POU6F2: variants seen among roughly 807,000 people sequenced by gnomAD.
POU6F2 encodes the protein POU class 6 homeobox 2, also known as POU domain, class 6, transcription factor 2.
POU6F2 carries 31 observed loss-of-function variants against 71.3 expected under a neutral mutation model. The observed-to-expected ratio is 0.43, with a 90% CI of 0.33 to 0.59. The LOEUF (loss-of-function observed/expected upper bound fraction) is 0.59, where lower values mean the gene tolerates loss of function less well. Ranked by LOEUF, POU6F2 falls within the 20% of genes least tolerant of loss-of-function variation. The pLI is 0.04. For synonymous variants in POU6F2, 347 were observed against 355.7 expected, an observed-to-expected ratio of 0.98 and a Z score of 0.27; for missense variants, 783 against 856.8, an observed-to-expected ratio of 0.91 and a Z score of 1.07.
chr7:39,237,838 C>T (rs893875661), intron 4 of POU6F2, among the ~76,000 whole-genome samples: 7 of 152,014 alleles, frequency 4.6e-5, no homozygotes, highest in Non-Finnish European at 7.4e-5. Flanking sequence ...TTCTGAAATG[C>T]GGGATTGGGA....
chr7:39,092,492 T>C (rs1371448482), intron 2 of POU6F2, among the ~76,000 whole-genome samples: 2 of 152,242 alleles, frequency 1.3e-5, no homozygotes, highest in African/African-American at 4.8e-5. Context: ...TTTTATATGG[T>C]ATTTTGTAGT....
chr7:39,201,944 A>G (rs1172592361), intron 2 of POU6F2, among the ~76,000 whole-genome samples: 3 of 152,142 alleles, frequency 2.0e-5, no homozygotes, highest in African/African-American at 4.8e-5. Flanking sequence ...GAAAATGGGG[A>G]TGCACACTAA....
At chr7:39,321,146 CCT>C (rs1785382485) in intron 4 of POU6F2, among the ~76,000 whole-genome samples, 1 of 152,072 alleles carries the variant, frequency 6.6e-6, no homozygotes, top group Admixed American at 6.5e-5. Flanking sequence ...TCTCTCACTC[CCT>C]CTCTCAAAAT....
In POU6F2 at chr7:39,464,777, T is replaced by G; in HGVS notation, c.*91T>G. ...AACAACAACAACAACAAAATTTAATTTAATTTAAAAATAGCCCCAGTCGTC... is the reference window on the plus strand; with the variant it reads ...AACAACAACAACAACAAAATTTAATGTAATTTAAAAATAGCCCCAGTCGTC... On this transcript the variant is annotated 3_prime_UTR_variant, in exon 10 of 10. Coordinates refer to ENST00000518318, the MANE Select transcript of POU6F2 (RefSeq NM_001370959.1). The surrounding 1 kb of genome is among the most constrained non-coding windows in gnomAD (Gnocchi z 4.1). 7.2e-7 allele frequency: 1 copy of G among 1,391,426 alleles called. No individual in the cohort carries two copies. Among genetic ancestry groups the G allele is most frequent in the Non-Finnish European group, 9.5e-7 (1 of 1,052,700 alleles). The allele number at this position is 1,391,426 out of a possible 1,614,324, so 86.2% of individuals were successfully genotyped here.
chr7:39,418,812 A>AG (rs1222973051), intron 6 of POU6F2, among the ~76,000 whole-genome samples: 3 of 151,194 alleles, frequency 2.0e-5, no homozygotes, highest in Non-Finnish European at 4.4e-5. Context: ...TCTGAAGCAA[A>AG]GCTGCTTTCA....
At position 39,464,975 on chromosome 7, in the gene POU6F2, C is replaced by T. The variant is rs1380350696; in HGVS notation, c.*289C>T. ...ATAGTTCCCTTCCCCCACCTGTCTC[C>T]CCCAAAGCCAGTTTTTTAATGGACT... is the stretch of plus-strand genomic sequence containing the variant. On this transcript the variant is annotated 3_prime_UTR_variant, in exon 10 of 10. Coordinates refer to ENST00000518318, the MANE Select transcript of POU6F2 (RefSeq NM_001370959.1). This position sits in a 1 kb window ranked among gnomAD's most constrained non-coding sequence, Gnocchi z 4.1. The T allele has an allele frequency of 5.7e-6, 2 of 348,310 alleles. No homozygotes were observed. The highest frequency in any genetic ancestry group is 8.5e-5 in the Admixed American group (2 of 23,424). The allele number at this position is 348,310 out of a possible 1,614,324, so 21.6% of individuals were successfully genotyped here. A position where few individuals can be genotyped will look rare whatever the true frequency, so the allele number is the denominator to read the frequency against.
intron 2 of POU6F2, among the ~76,000 whole-genome samples, chr7:39,174,169 G>A (rs1192857688): frequency 6.6e-6 from 1 of 152,188 alleles, no homozygotes; most frequent in East Asian, 1.9e-4. Flanking sequence ...GGAAGACACC[G>A]GCTGGAATCC....
intron 5 of POU6F2, among the ~76,000 whole-genome samples, chr7:39,369,781 T>C (rs1786572803): frequency 6.6e-6 from 1 of 151,902 alleles, no homozygotes; most frequent in Non-Finnish European, 1.5e-5. Context: ...CCTCCCAGGC[T>C]CAAGTGATCC....
At chr7:39,009,090 T>C (rs1789181956) in intron 1 of POU6F2, among the ~76,000 whole-genome samples, 1 of 152,182 alleles carries the variant, frequency 6.6e-6, no homozygotes, top group African/African-American at 2.4e-5. Context: ...GGGGATGGCA[T>C]TGAATCTGTA....
intron 2 of POU6F2, among the ~76,000 whole-genome samples, chr7:39,179,218 C>T (rs1793387536): frequency 6.6e-6 from 1 of 152,184 alleles, no homozygotes; most frequent in African/African-American, 2.4e-5. Flanking sequence ...AGAGGATGCT[C>T]CTTCATTCTT....
chr7:39,015,519 TATATCTATGTTTTATATAGA>T (rs1789462520), intron 1 of POU6F2, among the ~76,000 whole-genome samples: 7 of 97,474 alleles, frequency 7.2e-5, no homozygotes, highest in Admixed American at 1.3e-4. Flanking sequence ...ATATATATAA[TATATCTATGTTTTATATAGA>T]TATATCTATG....
intron 1 of POU6F2, among the ~76,000 whole-genome samples, chr7:39,085,287 C>A (rs1356080868): frequency 1.3e-5 from 2 of 152,286 alleles, no homozygotes; most frequent in Non-Finnish European, 2.9e-5. Context: ...ATAGAATTTA[C>A]ATAAGAAATA....
At chr7:39,369,933 A>C (rs1439905749) in intron 5 of POU6F2, among the ~76,000 whole-genome samples, 2 of 151,860 alleles carry the variant, frequency 1.3e-5, no homozygotes, top group Non-Finnish European at 2.9e-5. Context: ...GGCTCAAGCA[A>C]TACTCCTGTC....
chr7:39,401,567 T>A (rs149502707), intron 5 of POU6F2, among the ~76,000 whole-genome samples: 1 of 152,202 alleles, frequency 6.6e-6, no homozygotes, highest in Non-Finnish European at 1.5e-5. Flanking sequence ...AGTACTGATT[T>A]GGTTAGAAGA....
At chr7:39,335,262 C>G (rs1383515548) in intron 4 of POU6F2, among the ~76,000 whole-genome samples, 1 of 152,188 alleles carries the variant, frequency 6.6e-6, no homozygotes, top group African/African-American at 2.4e-5. Flanking sequence ...CTTATAATAA[C>G]TCGTGGCTCA....
At chr7:39,242,972 G>A (rs1783753941) in intron 4 of POU6F2, among the ~76,000 whole-genome samples, 1 of 152,068 alleles carries the variant, frequency 6.6e-6, no homozygotes, top group South Asian at 2.1e-4. Context: ...TGGAGGATTG[G>A]AACTCTGTAA....
intron 1 of POU6F2, among the ~76,000 whole-genome samples, chr7:38,987,470 C>T (rs774069385): frequency 6.6e-6 from 1 of 152,060 alleles, no homozygotes; most frequent in African/African-American, 2.4e-5. Context: ...GTTAGTGTAT[C>T]TAGATTAGTG....
intron 1 of POU6F2, among the ~76,000 whole-genome samples, chr7:39,001,737 G>A (rs1261443540): frequency 1.3e-5 from 2 of 152,008 alleles, no homozygotes; most frequent in Non-Finnish European, 2.9e-5. Context: ...GATGGTAATG[G>A]TGATGGTGAT....
At chr7:39,176,190 G>A (rs1793325699) in intron 2 of POU6F2, among the ~76,000 whole-genome samples, 1 of 152,122 alleles carries the variant, frequency 6.6e-6, no homozygotes, top group African/African-American at 2.4e-5. Context: ...CACCTGCTGT[G>A]AATTTGTTCT....
Sources: gnomAD v4.1 joint callset for allele counts (sites outside exome capture counted in the v4.1 genomes callset) on GRCh38, gnomAD v4.1.1 for gene constraint, Gnocchi (gnomAD v3.1) non-coding constraint, MANE v1.5 for transcripts, NCBI Gene and HGNC (gene_info 2026-07-23, HGNC 2026-07-21) for gene names.